MAP4K5: variants seen among roughly 807,000 people sequenced by gnomAD.
The protein encoded by MAP4K5 is mitogen-activated protein kinase kinase kinase kinase 5.
A neutral mutation model predicts 135.6 loss-of-function variants in MAP4K5; 82 were observed. That is an observed-to-expected ratio of 0.60 (90% confidence interval 0.51 to 0.73). MAP4K5 has a LOEUF of 0.73. MAP4K5 is among the 30% of genes least tolerant of loss of function. The pLI, the probability that MAP4K5 is intolerant of heterozygous loss-of-function variation, is 0.00. For missense variants in MAP4K5, 907 were observed against 1,010.9 expected (o/e 0.90, Z 1.39); for synonymous variants, 347 against 335.0 (o/e 1.04, Z -0.39).
intron 15 of MAP4K5, among the ~76,000 whole-genome samples, chr14:50,448,084 G>A (rs2036397868): frequency 6.6e-6 from 1 of 152,058 alleles, no homozygotes; most frequent in Non-Finnish European, 1.5e-5. Flanking sequence ...CTTGATCTTG[G>A]CTCACTGCAA....
In MAP4K5 at chr14:50,437,957, G is replaced by T; in HGVS notation, c.1760C>A (p.Ala587Asp). The change falls in exon 25 of 33, where the codon GCC becomes GAC. Residue 587 changes from alanine to aspartate, a missense_variant. Physicochemically the swap from Ala to Asp is moderately radical, Grantham distance 126. Around this residue, in one of 3 missense-constraint regions of MAP4K5, gnomAD observed 690 missense variants for 777.4 expected, o/e 0.89. Coordinates refer to ENST00000682126, the MANE Select transcript of MAP4K5 (RefSeq NM_006575.6). ...ATGGGCAGCTAATCCTGGTTTTTTG[G>T]CATGTTCAAACAAAGCTATAAGATT... ...SHNLIALFEHAKKPGLAAHIQ... is the reference protein window; with the variant it reads ...SHNLIALFEHDKKPGLAAHIQ... 3 of 1,612,434 alleles carry T rather than the reference G, an allele frequency of 1.9e-6. No homozygotes were observed. In the South Asian group the frequency reaches 3.3e-5, roughly 18 times the overall value.
At chr14:50,445,998 G>T in intron 17 of MAP4K5, 81 bp downstream of exon 17, 1 of 951,230 alleles carries the variant, frequency 1.1e-6, no homozygotes, top group South Asian at 2.2e-5. Flanking sequence ...AGAAAATTTT[G>T]AAAAAACTCA....
intron 6 of MAP4K5, among the ~76,000 whole-genome samples, chr14:50,481,608 A>C (rs1371366964): frequency 6.6e-6 from 1 of 152,176 alleles, no homozygotes; most frequent in Non-Finnish European, 1.5e-5. Flanking sequence ...GCAAATTTAA[A>C]TGCCTTAAAT....
chr14:50,435,280 A>G (rs1007870947), intron 26 of MAP4K5, among the ~76,000 whole-genome samples: 4 of 152,202 alleles, frequency 2.6e-5, no homozygotes, highest in African/African-American at 9.6e-5. Flanking sequence ...AGGTTGTTAA[A>G]CATAAGAACT....
chr14:50,449,619 A>G (rs2036436558), intron 14 of MAP4K5: 1 of 152,232 alleles, frequency 6.6e-6, no homozygotes, highest in African/African-American at 2.4e-5. Context: ...AAAAGCAAAC[A>G]CAAAGTACTG....
chr14:50,434,703 T>C, intron 27 of MAP4K5, 132 bp from the exon 28 acceptor site: 2 of 830,874 alleles, frequency 2.4e-6, no homozygotes, highest in Admixed American at 5.7e-5. Flanking sequence ...ACCTCTAAGA[T>C]GATAAGAAGG....
chr14:50,476,877 T>G (rs1182109535), intron 6 of MAP4K5, among the ~76,000 whole-genome samples: 1 of 152,236 alleles, frequency 6.6e-6, no homozygotes, highest in Admixed American at 6.5e-5. Flanking sequence ...TCCTTTATAA[T>G]TTTCCCATTC....
chr14:50,436,847 T>G (rs2036104482), intron 26 of MAP4K5, among the ~76,000 whole-genome samples: 1 of 152,190 alleles, frequency 6.6e-6, no homozygotes, highest in African/African-American at 2.4e-5. Flanking sequence ...CTCTGCCCTA[T>G]GTACTTCTTC....
At chr14:50,544,780 G>T (rs1325313135) in intron 1 of MAP4K5, among the ~76,000 whole-genome samples, 1 of 151,346 alleles carries the variant, frequency 6.6e-6, no homozygotes, top group Admixed American at 6.6e-5. Flanking sequence ...CTGAAAGTTG[G>T]GAAAAAATTA....
chr14:50,530,123 G>T (rs1165686088), intron 2 of MAP4K5, among the ~76,000 whole-genome samples: 1 of 152,144 alleles, frequency 6.6e-6, no homozygotes, highest in Non-Finnish European at 1.5e-5. Context: ...AAGCAACATT[G>T]TGAGGGTAGA....
Position 50,419,111 on chromosome 14 carries a change from C to T in MAP4K5, c.*908G>A, listed in dbSNP as rs1163167230. The T allele has an allele frequency of 1.3e-5, 2 of 152,054 alleles. No individual in the cohort carries two copies. The highest frequency in any genetic ancestry group is 2.9e-5 in the Non-Finnish European group (2 of 67,978). 9.4% of individuals were successfully genotyped at this position (152,054 alleles called of 1,614,324 possible). On this transcript the variant is annotated 3_prime_UTR_variant, in exon 33 of 33. Transcript: ENST00000682126. ...ACATATCATGGGCAATTAAATACTT[C>T]CCCCTGCTACATTAGGGATGATAAT... is the stretch of plus-strand genomic sequence containing the variant.
intron 9 of MAP4K5, among the ~76,000 whole-genome samples, chr14:50,470,043 T>TTTA (rs2036922370): frequency 6.6e-6 from 1 of 152,108 alleles, no homozygotes; most frequent in Non-Finnish European, 1.5e-5. Flanking sequence ...TAAGGAGAAG[T>TTTA]AAACAATCAC....
chr14:50,464,913 G>A (rs1007951701), intron 11 of MAP4K5, among the ~76,000 whole-genome samples: 3 of 152,156 alleles, frequency 2.0e-5, no homozygotes, highest in Admixed American at 1.3e-4. Context: ...TAACTGCTCT[G>A]AAATCTGACT....
intron 1 of MAP4K5, chr14:50,558,978 T>C (rs1595578476): frequency 6.6e-6 from 1 of 151,964 alleles, no homozygotes; most frequent in Admixed American, 6.6e-5. Context: ...GGTGGGGGAG[T>C]TTGTTTTCAG....
intron 2 of MAP4K5, among the ~76,000 whole-genome samples, chr14:50,514,108 T>C (rs1341501835): frequency 2.6e-5 from 4 of 152,190 alleles, no homozygotes; most frequent in Non-Finnish European, 5.9e-5. Context: ...GGCCGAGTCT[T>C]GCTCTGTCAC....
chr14:50,445,253 A>T, intron 17 of MAP4K5, 59 bp from the exon 18 acceptor site: 1 of 1,508,936 alleles, frequency 6.6e-7, no homozygotes. Context: ...CAGAGTCTTT[A>T]GGGAAAGGGA....
intron 6 of MAP4K5, among the ~76,000 whole-genome samples, chr14:50,479,154 C>A (rs2037177491): frequency 6.7e-6 from 1 of 149,988 alleles, no homozygotes. Context: ...TCTTTCGTTT[C>A]CCTTTTTTCT....
intron 28 of MAP4K5, among the ~76,000 whole-genome samples, chr14:50,433,826 C>G (rs941236712): frequency 1.3e-5 from 2 of 152,206 alleles, no homozygotes; most frequent in Non-Finnish European, 2.9e-5. Context: ...GGCCCCACCT[C>G]ACCCACTTCA....
At chr14:50,468,548 A>T in intron 10 of MAP4K5, 103 bp downstream of exon 10, 1 of 1,180,478 alleles carries the variant, frequency 8.5e-7, no homozygotes. Flanking sequence ...CAATACCTTT[A>T]CTATTTTTCA....
Sources: allele counts gnomAD v4.1 joint callset (sites outside exome capture counted in the v4.1 genomes callset), GRCh38; gene constraint gnomAD v4.1.1; regional missense constraint gnomAD v4.1.1; transcripts MANE v1.5; gene names NCBI Gene and HGNC (gene_info 2026-07-23, HGNC 2026-07-21).